The following SBSPON variants were observed in gnomAD, a reference collection of about 807,000 sequenced individuals.
The protein encoded by SBSPON is somatomedin B and thrombospondin type 1 domain containing.
In SBSPON, 30 loss-of-function variants were observed where a neutral mutation model predicts 35.8. The ratio of observed to expected loss-of-function variants is 0.84; its 90% CI spans 0.63 to 1.14. SBSPON has a LOEUF of 1.14. SBSPON is among the 50% of genes most tolerant of loss of function. SBSPON has a pLI of 0.00. For missense variants in SBSPON, 364 were observed against 357.7 expected, an observed-to-expected ratio of 1.02 and a Z score of -0.14; for synonymous variants, 136 against 135.9, an observed-to-expected ratio of 1.00 and a Z score of 0.00.
rs1359476406 is a variant in SBSPON, at chr8:73,064,669, A to AT, written c.*2671dup. The AT allele has an allele frequency of 1.3e-5, 2 of 152,232 alleles. No individual in the cohort carries two copies. The highest frequency in any genetic ancestry group is 2.9e-5 in the Non-Finnish European group (2 of 68,048). 9.4% of individuals were successfully genotyped at this position (152,232 alleles called of 1,614,324 possible). On this transcript the variant is annotated 3_prime_UTR_variant, in exon 5 of 5. Transcript: ENST00000297354. ...TTATTGCTGTTGCGGTTTATGCTTAATTGTAACATTCTCGAATAAAAACCA... is the reference window on the plus strand; with the variant it reads ...TTATTGCTGTTGCGGTTTATGCTTAATTTGTAACATTCTCGAATAAAAACCA...
chr8:73,082,449 T>C (rs929151777), intron 1 of SBSPON, among the ~76,000 whole-genome samples: 4 of 152,210 alleles, frequency 2.6e-5, no homozygotes, highest in South Asian at 2.1e-4. Flanking sequence ...TCACGGTTTT[T>C]GGAGGACATG....
At chr8:73,077,298 G>T (rs148987290) in intron 2 of SBSPON, among the ~76,000 whole-genome samples, 1 of 152,344 alleles carries the variant, frequency 6.6e-6, no homozygotes, top group African/African-American at 2.4e-5. Context: ...TGCTATGAAG[G>T]CTGAACCAAT....
chr8:73,083,401 T>G (rs1006578126), intron 1 of SBSPON, among the ~76,000 whole-genome samples: 2 of 152,222 alleles, frequency 1.3e-5, no homozygotes, highest in Non-Finnish European at 2.9e-5. Context: ...CGTCGGAAGA[T>G]TAAATAAATT....
intron 1 of SBSPON, 29 bp downstream of exon 1, chr8:73,092,825 G>T: frequency 6.3e-7 from 1 of 1,576,116 alleles, no homozygotes; most frequent in Non-Finnish European, 8.7e-7. Context: ...GCTAACGGCC[G>T]GCGCCCCACT....
At position 73,064,573 on chromosome 8, in the gene SBSPON, C is replaced by G. The variant is rs1810353595; in HGVS notation, c.*2768G>C. 6.6e-6 allele frequency: 1 copy of G among 152,144 alleles called. No homozygotes were observed. The highest frequency in any genetic ancestry group is 6.5e-5 in the Admixed American group (1 of 15,282). 9.4% of individuals were successfully genotyped at this position (152,144 alleles called of 1,614,324 possible). On this transcript the variant is annotated 3_prime_UTR_variant, in exon 5 of 5. Coordinates refer to ENST00000297354, the MANE Select transcript of SBSPON (RefSeq NM_153225.4). ...GGGCAGGAACCAGTTTTATTAACAT[C>G]AATTTTGTGCACATCTAGAAAAGAT...
At chr8:73,080,924 G>C (rs1415205064) in intron 2 of SBSPON, 95 bp downstream of exon 2, 6 of 1,126,646 alleles carry the variant, frequency 5.3e-6, no homozygotes, top group Non-Finnish European at 7.4e-6. Context: ...GTGGTGCATG[G>C]AACCTTCCCT....
At chr8:73,073,102 A>G (rs759985443) in intron 2 of SBSPON, among the ~76,000 whole-genome samples, 1 of 152,188 alleles carries the variant, frequency 6.6e-6, no homozygotes, top group Non-Finnish European at 1.5e-5. Flanking sequence ...TGCCTTGTCC[A>G]TCACTATAGC....
chr8:73,066,302 C>A lies in SBSPON; in HGVS notation c.*1039G>T, dbSNP rs1411893318. ...AGTCCAAATTTGGCTCTGTGGCTGA[C>A]TGCAGAATGACTTGTCATCCCAGGT... On this transcript the variant is annotated 3_prime_UTR_variant, in exon 5 of 5. Transcript: ENST00000297354. The A allele has an allele frequency of 6.6e-6, 1 of 152,134 alleles. No homozygotes were observed. The highest frequency in any genetic ancestry group is 1.9e-4 in the East Asian group (1 of 5,192). The allele number at this position is 152,134 out of a possible 1,614,324, so 9.4% of individuals were successfully genotyped here. A position where few individuals can be genotyped will look rare whatever the true frequency, so the allele number is the denominator to read the frequency against.
chr8:73,079,070 CA>C (rs1236908381), intron 2 of SBSPON, among the ~76,000 whole-genome samples: 2 of 152,148 alleles, frequency 1.3e-5, no homozygotes, highest in African/African-American at 4.8e-5. Context: ...CATGCTGGCA[CA>C]AAACTCAAAT....
At chr8:73,077,173 T>C (rs888573601) in intron 2 of SBSPON, among the ~76,000 whole-genome samples, 1 of 152,230 alleles carries the variant, frequency 6.6e-6, no homozygotes. Context: ...CCCAAAGTGC[T>C]GGGATTACAG....
chr8:73,068,089 A>G (rs1369288683), intron 4 of SBSPON, among the ~76,000 whole-genome samples: 1 of 152,128 alleles, frequency 6.6e-6, no homozygotes, highest in African/African-American at 2.4e-5. Context: ...TCCAACTCTG[A>G]TTTCATAATG....
chr8:73,077,029 C>T (rs1810606675), intron 2 of SBSPON, among the ~76,000 whole-genome samples: 1 of 152,170 alleles, frequency 6.6e-6, no homozygotes, highest in African/African-American at 2.4e-5. Context: ...GCCTCAGCCT[C>T]CCAAGTAGGT....
At chr8:73,070,054 G>T (rs1366708944) in intron 3 of SBSPON, 73 bp from the exon 4 acceptor site, 1 of 957,656 alleles carries the variant, frequency 1.0e-6, no homozygotes, top group Non-Finnish European at 1.6e-6. Flanking sequence ...GTCTTAGAAA[G>T]CCTGTCACCT....
At chr8:73,090,958 AT>A in intron 1 of SBSPON, among the ~76,000 whole-genome samples, 5 of 152,312 alleles carry the variant, frequency 3.3e-5, no homozygotes, top group African/African-American at 1.2e-4. Context: ...TTTTGACCAA[AT>A]AAAGACAGGG....
At chr8:73,079,914 T>TG (rs1482563269) in intron 2 of SBSPON, among the ~76,000 whole-genome samples, 5 of 152,026 alleles carry the variant, frequency 3.3e-5, no homozygotes, top group South Asian at 2.1e-4. Context: ...TATTTGTGTG[T>TG]GAAAAAAAAG....
chr8:73,067,383 G>C lies in SBSPON; in HGVS notation c.753C>G (p.Asp251Glu). The change falls in exon 5 of 5, where the codon GAC (aspartate) becomes GAG (glutamate). Residue 251 changes from aspartate to glutamate, a missense_variant. Asp to Glu is a conservative substitution (Grantham distance 45). Transcript: ENST00000297354. The stretch of plus-strand genomic sequence containing the variant: ...TGTGAACAGCTGGACAAGAACACTG[G>C]TCTACTCGCCGAACTTTTTTCCAAG... ...QGTWKKVRRV[D>E]QCSCPAVHSF... is the part of the protein sequence containing the mutation. The C allele has an allele frequency of 6.2e-7, 1 of 1,609,996 alleles. No individual in the cohort carries two copies. The highest frequency in any genetic ancestry group is 8.5e-7 in the Non-Finnish European group (1 of 1,176,892).
intron 2 of SBSPON, among the ~76,000 whole-genome samples, chr8:73,073,297 G>A (rs775685517): frequency 1.3e-5 from 2 of 152,158 alleles, no homozygotes; most frequent in South Asian, 2.1e-4. Flanking sequence ...CAGAAACTGC[G>A]CGATTCCAGG....
In SBSPON at chr8:73,086,183, C is replaced by T. The variant is rs185240705; in HGVS notation, c.215-4970G>A. ...TCCCTTTTCTTTTTTTTTTTGGAGA[C>T]GGAGTCTTGCTCTGTCACCCACGCT... On this transcript the variant is annotated intron_variant, in intron 1 of 4. Transcript: ENST00000297354. 1.5e-3 allele frequency among the ~76,000 whole-genome samples: 223 copies of T among 151,282 alleles called. 2 individuals are homozygous for T. Among genetic ancestry groups the T allele is most frequent in the African/African-American group, 5.1e-3 (209 of 41,218 alleles).
intron 2 of SBSPON, among the ~76,000 whole-genome samples, chr8:73,072,960 A>C (rs1360010994): frequency 1.3e-5 from 2 of 152,086 alleles, no homozygotes; most frequent in African/African-American, 4.8e-5. Flanking sequence ...TGCTCACTTT[A>C]ATTCTATTGT....
Sources: gnomAD v4.1 joint callset for allele counts (sites outside exome capture counted in the v4.1 genomes callset) on GRCh38, gnomAD v4.1.1 for gene constraint, MANE v1.5 for transcripts, NCBI Gene and HGNC (gene_info 2026-07-23, HGNC 2026-07-21) for gene names.